The following EPHB1 variants were observed in gnomAD, a reference collection of about 807,000 sequenced individuals.
EPHB1 encodes ephrin type-B receptor 1.
A neutral mutation model predicts 94.4 loss-of-function variants in EPHB1; 30 were observed. The ratio of observed to expected loss-of-function variants is 0.32; its 90% CI spans 0.24 to 0.43. EPHB1 has a LOEUF of 0.43. EPHB1 is among the 20% of genes least tolerant of loss of function. The pLI is 1.00. For missense variants in EPHB1, 1,055 were observed against 1,308.3 expected (o/e 0.81, Z 2.99); for synonymous variants, 522 against 489.1 (o/e 1.07, Z -0.89).
chr3:134,982,101 T>C (rs1025963021), intron 3 of EPHB1, among the ~76,000 whole-genome samples: 1 of 152,344 alleles, frequency 6.6e-6, no homozygotes, highest in Non-Finnish European at 1.5e-5. Context: ...AGATTTAAAT[T>C]TGGACTTTCT....
At chr3:134,995,858 G>A (rs1265950834) in intron 3 of EPHB1, among the ~76,000 whole-genome samples, 2 of 152,068 alleles carry the variant, frequency 1.3e-5, no homozygotes, top group African/African-American at 2.4e-5. Flanking sequence ...CATGGTAGAA[G>A]TAGAAATACA....
At chr3:134,897,115 G>A (rs1560286565) in intron 1 of EPHB1, among the ~76,000 whole-genome samples, 1 of 152,226 alleles carries the variant, frequency 6.6e-6, no homozygotes. Flanking sequence ...CAGGGAACCT[G>A]GGGCCCAGCC....
At chr3:135,190,818 C>G (rs989475926) in intron 10 of EPHB1, among the ~76,000 whole-genome samples, 4 of 152,190 alleles carry the variant, frequency 2.6e-5, no homozygotes, top group African/African-American at 9.6e-5. Flanking sequence ...AAATATGATA[C>G]AACAACTTTT....
At chr3:134,957,336 C>A (rs757222869) in intron 3 of EPHB1, among the ~76,000 whole-genome samples, 11 of 152,136 alleles carry the variant, frequency 7.2e-5, no homozygotes, top group Non-Finnish European at 1.0e-4. Flanking sequence ...AAAGGGACCC[C>A]AGGGTAGGTC....
At chr3:134,848,669 C>T (rs977297982) in intron 1 of EPHB1, among the ~76,000 whole-genome samples, 10 of 152,192 alleles carry the variant, frequency 6.6e-5, no homozygotes, top group African/African-American at 1.9e-4. Flanking sequence ...TTGCGGGAGC[C>T]GTTGCAGGCT....
At chr3:135,149,307 A>T (rs1941117223) in intron 5 of EPHB1, among the ~76,000 whole-genome samples, 1 of 152,230 alleles carries the variant, frequency 6.6e-6, no homozygotes, top group Non-Finnish European at 1.5e-5. Flanking sequence ...TGTTTGCCAA[A>T]AAGAGACTCT....
chr3:135,158,566 G>C (rs768936440), intron 6 of EPHB1, among the ~76,000 whole-genome samples: 1 of 152,038 alleles, frequency 6.6e-6, no homozygotes, highest in Non-Finnish European at 1.5e-5. Context: ...CTTGGTTTGC[G>C]CTTAGGACCC....
chr3:134,874,859 T>G (rs1401155941), intron 1 of EPHB1, among the ~76,000 whole-genome samples: 1 of 152,196 alleles, frequency 6.6e-6, no homozygotes, highest in Non-Finnish European at 1.5e-5. Context: ...AGTGTGGGCC[T>G]CTTTCTCTGC....
At position 134,955,506 on chromosome 3, in the gene EPHB1, A is replaced by G; in HGVS notation, c.805+3454A>G. On this transcript the variant is annotated intron_variant, in intron 3 of 15. Coordinates refer to ENST00000398015, the MANE Select transcript of EPHB1 (RefSeq NM_004441.5). ...CCACATTTTCTTAATCCAGTCTATC[A>G]TTGTTGGACATTTGGTGGGACTGTA... 2.0e-5 allele frequency among the ~76,000 whole-genome samples: 2 copies of G among 101,366 alleles called. 1 individual carries two copies. Among genetic ancestry groups the G allele is most frequent in the South Asian group, 7.3e-4 (2 of 2,734 alleles). 66.5% of individuals were successfully genotyped at this position (101,366 alleles called of 152,430 possible).
intron 15 of EPHB1, 52 bp downstream of exon 15, chr3:135,249,543 T>A: frequency 6.4e-7 from 1 of 1,568,446 alleles, no homozygotes; most frequent in Non-Finnish European, 8.7e-7. Context: ...TCAGTGCTCC[T>A]TCCCTGCTAT....
chr3:135,204,515 A>AT (rs1238790219), intron 12 of EPHB1, among the ~76,000 whole-genome samples: 1 of 146,910 alleles, frequency 6.8e-6, no homozygotes, highest in Non-Finnish European at 1.5e-5. Flanking sequence ...CTATTTATTC[A>AT]TTTTTTTGAG....
chr3:135,100,877 G>C (rs1307991830), intron 3 of EPHB1, among the ~76,000 whole-genome samples: 2 of 152,104 alleles, frequency 1.3e-5, no homozygotes, highest in Admixed American at 6.6e-5. Context: ...ATATATACAC[G>C]TTTAGGCATG....
chr3:134,886,181 A>G (rs1004390032), intron 1 of EPHB1, among the ~76,000 whole-genome samples: 1 of 152,332 alleles, frequency 6.6e-6, no homozygotes, highest in Admixed American at 6.5e-5. Flanking sequence ...CAAGTGTGAC[A>G]GTAGCAAGAA....
chr3:134,847,930 A>T lies in EPHB1; in HGVS notation c.58+52241A>T, dbSNP rs114956013. Among the ~76,000 whole-genome samples the T allele has an allele frequency of 8.7e-3, 1,332 of 152,310 alleles. 10 individuals are homozygous for T. Among genetic ancestry groups the T allele is most frequent in the Non-Finnish European group, 0.013 (877 of 68,028 alleles). On this transcript the variant is annotated intron_variant, in intron 1 of 15. Transcript: ENST00000398015. ...GGTTTCTACCCACTGAGCCTTGCAC[A>T]TACTTGGTGCTTAATGGCTATTTGT...
At chr3:135,039,381 T>C (rs574561592) in intron 3 of EPHB1, among the ~76,000 whole-genome samples, 35 of 152,206 alleles carry the variant, frequency 2.3e-4, no homozygotes, top group South Asian at 1.5e-3. Flanking sequence ...GATCCCGCAC[T>C]GGGGCTGCAG....
intron 1 of EPHB1, among the ~76,000 whole-genome samples, chr3:134,877,188 G>A (rs143078609): frequency 1.3e-3 from 192 of 152,278 alleles, no homozygotes; most frequent in Non-Finnish European, 2.3e-3. Context: ...TGTGGGTCCT[G>A]GGATCTAGGA....
At chr3:134,892,438 A>G (rs1008123801) in intron 1 of EPHB1, among the ~76,000 whole-genome samples, 5 of 152,246 alleles carry the variant, frequency 3.3e-5, no homozygotes, top group African/African-American at 1.2e-4. Context: ...CAGGGGTACC[A>G]ATAACAGGTT....
chr3:134,926,504 G>A (rs36184), intron 2 of EPHB1, among the ~76,000 whole-genome samples: 84,987 of 152,074 alleles, frequency 0.56, 25,289 homozygotes, highest in African/African-American at 0.78. Context: ...ATGAGTAGGA[G>A]ATTGACAGAT....
At chr3:134,797,385 G>A (rs937947983) in intron 1 of EPHB1, among the ~76,000 whole-genome samples, 4 of 152,198 alleles carry the variant, frequency 2.6e-5, no homozygotes, top group Non-Finnish European at 5.9e-5. Context: ...AAGCCAGGGT[G>A]AGCGCATTTG....
Sources: allele counts gnomAD v4.1 joint callset (sites outside exome capture counted in the v4.1 genomes callset), GRCh38; gene constraint gnomAD v4.1.1; transcripts MANE v1.5; gene names NCBI Gene and HGNC (gene_info 2026-07-23, HGNC 2026-07-21).